EFCAB5: variants seen among roughly 807,000 people sequenced by gnomAD.
EFCAB5 encodes the protein EF-hand calcium binding domain 5.
A neutral mutation model predicts 167.9 loss-of-function variants in EFCAB5; 131 were observed. The observed-to-expected ratio is 0.78, with a 90% CI of 0.68 to 0.90. EFCAB5 has a LOEUF of 0.90. EFCAB5 is among the 40% of genes least tolerant of loss of function. The pLI, the probability that EFCAB5 is intolerant of heterozygous loss-of-function variation, is 0.00. For synonymous variants in EFCAB5, 574 were observed against 602.8 expected (o/e 0.95, Z 0.70); for missense variants, 1,663 against 1,745.2 (o/e 0.95, Z 0.84).
intron 7 of EFCAB5, among the ~76,000 whole-genome samples, chr17:30,027,928 A>G (rs1250213341): frequency 6.6e-6 from 1 of 152,190 alleles, no homozygotes; most frequent in Non-Finnish European, 1.5e-5. Context: ...TCTTCAGTAG[A>G]CCTGGGCCTC....
intron 4 of EFCAB5, among the ~76,000 whole-genome samples, chr17:29,986,324 A>G (rs2068281048): frequency 6.6e-6 from 1 of 152,202 alleles, no homozygotes; most frequent in South Asian, 2.1e-4. Context: ...TTGAGGTGCC[A>G]CTATATGGCC....
intron 8 of EFCAB5, among the ~76,000 whole-genome samples, chr17:30,049,168 A>T (rs2070012651): frequency 6.6e-6 from 1 of 152,132 alleles, no homozygotes; most frequent in Non-Finnish European, 1.5e-5. Context: ...AAGACAGCTA[A>T]TGTGTGTCAG....
chr17:30,052,768 A>G (rs1224378247), intron 9 of EFCAB5, among the ~76,000 whole-genome samples: 12 of 152,238 alleles, frequency 7.9e-5, no homozygotes, highest in Non-Finnish European at 1.5e-4. Flanking sequence ...GGAATGAAGA[A>G]CAAAGAAGAG....
At chr17:30,015,615 A>C (rs1225818741) in intron 7 of EFCAB5, among the ~76,000 whole-genome samples, 1 of 152,168 alleles carries the variant, frequency 6.6e-6, no homozygotes, top group Non-Finnish European at 1.5e-5. Flanking sequence ...CCTTGCCAAC[A>C]CTTATTCTCT....
chr17:30,028,467 T>C (rs1177652655), intron 7 of EFCAB5, among the ~76,000 whole-genome samples: 1 of 152,356 alleles, frequency 6.6e-6, no homozygotes, highest in East Asian at 1.9e-4. Flanking sequence ...ATCACAGCTT[T>C]TGGCGAGGTT....
At chr17:29,935,168 T>C (rs7207275) in intron 1 of EFCAB5, among the ~76,000 whole-genome samples, 4,468 of 152,296 alleles carry the variant, frequency 0.029, 202 homozygotes, top group African/African-American at 0.1. Flanking sequence ...TATTGAGTCA[T>C]GTGTTGCCTT....
intron 3 of EFCAB5, among the ~76,000 whole-genome samples, chr17:29,966,900 G>A (rs2067840522): frequency 6.6e-6 from 1 of 151,434 alleles, no homozygotes; most frequent in Non-Finnish European, 1.5e-5. Flanking sequence ...GGCACTACAA[G>A]ATATTCTTGT....
chr17:30,005,812 G>A (rs137907791), intron 7 of EFCAB5, among the ~76,000 whole-genome samples: 106 of 152,222 alleles, frequency 7.0e-4, no homozygotes, highest in Middle Eastern at 3.4e-3. Context: ...TTACAAACAA[G>A]ACCTAAGGCC....
At chr17:30,004,035 A>G (rs185969145) in intron 7 of EFCAB5, among the ~76,000 whole-genome samples, 2 of 152,348 alleles carry the variant, frequency 1.3e-5, no homozygotes, top group East Asian at 1.9e-4. Flanking sequence ...ACAAAGAAAA[A>G]GAGGGTCCAT....
chr17:29,939,441 T>G (rs1162017845), upstream of EFCAB5, among the ~76,000 whole-genome samples: 1 of 152,208 alleles, frequency 6.6e-6, no homozygotes, highest in East Asian at 1.9e-4. Context: ...AGTGAGCCTA[T>G]CCTTTGAAGC....
chr17:30,051,301 A>G, intron 9 of EFCAB5, 84 bp downstream of exon 9: 1 of 1,124,152 alleles, frequency 8.9e-7, no homozygotes, highest in South Asian at 1.5e-5. Context: ...TGATATGTTA[A>G]CACAAGATTA....
At chr17:30,107,431 A>G (rs562639010) in intron 22 of EFCAB5, among the ~76,000 whole-genome samples, 4 of 152,316 alleles carry the variant, frequency 2.6e-5, no homozygotes, top group Non-Finnish European at 5.9e-5. Flanking sequence ...CCCTAGAGAT[A>G]ATACTATCAT....
intron 7 of EFCAB5, among the ~76,000 whole-genome samples, chr17:30,022,529 T>A (rs530894255): frequency 6.6e-6 from 1 of 152,102 alleles, no homozygotes. Context: ...GAGGGATGCA[T>A]AGCAGAAGAA....
intron 15 of EFCAB5, among the ~76,000 whole-genome samples, chr17:30,078,793 G>C (rs1269620335): frequency 6.6e-6 from 1 of 152,192 alleles, no homozygotes; most frequent in Non-Finnish European, 1.5e-5. Flanking sequence ...AATAAGCCTA[G>C]AATGGACAAT....
intron 14 of EFCAB5, among the ~76,000 whole-genome samples, chr17:30,077,693 C>A (rs550737751): frequency 1.1e-4 from 16 of 152,250 alleles, no homozygotes; most frequent in African/African-American, 3.6e-4. Context: ...GCCTTACGGG[C>A]AGATGTGATT....
At chr17:29,942,420 G>GA in intron 2 of EFCAB5, 118 bp downstream of exon 2, 1 of 929,274 alleles carries the variant, frequency 1.1e-6, no homozygotes, top group Non-Finnish European at 1.5e-6. Flanking sequence ...ATTGCAAAAG[G>GA]AAAAGGACAA....
At chr17:30,102,740 G>A (rs1205021149) in intron 22 of EFCAB5, among the ~76,000 whole-genome samples, 3 of 152,016 alleles carry the variant, frequency 2.0e-5, no homozygotes, top group Non-Finnish European at 4.4e-5. Context: ...TCTCTGGGGC[G>A]CAAGAAAAAT....
chr17:30,107,499 A>AT (rs1291578237), intron 22 of EFCAB5, among the ~76,000 whole-genome samples: 1 of 152,232 alleles, frequency 6.6e-6, no homozygotes, highest in East Asian at 1.9e-4. Flanking sequence ...TAATGAATCC[A>AT]TAAATAATAT....
chr17:29,965,449 C>T (rs889323561), intron 3 of EFCAB5, among the ~76,000 whole-genome samples: 3 of 152,008 alleles, frequency 2.0e-5, no homozygotes, highest in African/African-American at 7.3e-5. Context: ...GTTTTGTGGC[C>T]TAACATATGG....
Sources: gnomAD v4.1 joint callset for allele counts (sites outside exome capture counted in the v4.1 genomes callset) on GRCh38, gnomAD v4.1.1 for gene constraint, MANE v1.5 for transcripts, NCBI Gene and HGNC (gene_info 2026-07-23, HGNC 2026-07-21) for gene names.